Variants in SYNDIG1L observed in about 807,000 individuals in gnomAD.
The protein encoded by SYNDIG1L is synapse differentiation inducing 1 like, also known as synapse differentiation-inducing gene protein 1-like.
A neutral mutation model predicts 20.1 loss-of-function variants in SYNDIG1L; 13 were observed. The ratio of observed to expected loss-of-function variants is 0.65; its 90% CI spans 0.42 to 1.03. The LOEUF (loss-of-function observed/expected upper bound fraction) is 1.03. Among genes scored for constraint, SYNDIG1L ranks in the 50% least tolerant of loss-of-function variants. The pLI, the probability that SYNDIG1L is intolerant of heterozygous loss-of-function variation, is 0.00. For synonymous variants in SYNDIG1L, 128 were observed against 129.3 expected (o/e 0.99, Z 0.07); for missense variants, 294 against 305.1 (o/e 0.96, Z 0.27).
At chr14:74,443,318 T>C in the SYNDIG1L span, among the ~76,000 whole-genome samples, 1 of 152,110 alleles carries the variant, frequency 6.6e-6, no homozygotes, top group Non-Finnish European at 1.5e-5. Context: ...TGTGGAACAA[T>C]GATAAAAGGT....
rs757926224 is a variant in SYNDIG1L, at chr14:74,407,290, T to C, written c.*245A>G. Reference sequence around the variant, plus strand: ...GGATGGCCTGGTGGGCAGCCCTGCCTTCTGTTTCCCGTCTGTAGCCTGGGT... The same window carrying C: ...GGATGGCCTGGTGGGCAGCCCTGCCCTCTGTTTCCCGTCTGTAGCCTGGGT... On this transcript the variant is annotated 3_prime_UTR_variant, in exon 4 of 4. Transcript: ENST00000331628. The C allele has an allele frequency of 9.2e-5, 54 of 584,928 alleles. No homozygotes were observed. Among genetic ancestry groups the C allele is most frequent in the Non-Finnish European group, 1.3e-4 (42 of 332,918 alleles). 36.2% of individuals were successfully genotyped at this position (584,928 alleles called of 1,614,324 possible). A position where few individuals can be genotyped will look rare whatever the true frequency, so the allele number is the denominator to read the frequency against.
rs572273277 is a variant in SYNDIG1L, at chr14:74,414,220, GTGTT to G, written c.-57-4423_-57-4420del. Reference sequence around the variant, plus strand: ...CGGGTGAGTGTGCCCACACTCGTGTGTGTTTGTTTGTGTATGCATGCACGCACAC... The same window carrying G: ...CGGGTGAGTGTGCCCACACTCGTGTGTGTTTGTGTATGCATGCACGCACAC... On this transcript the variant is annotated intron_variant, in intron 1 of 3. Coordinates refer to ENST00000331628, the MANE Select transcript of SYNDIG1L (RefSeq NM_001105579.2). Among the ~76,000 whole-genome samples, 415 of 152,350 alleles carry G rather than the reference GTGTT, an allele frequency of 2.7e-3. 1 individual carries two copies. The highest frequency in any genetic ancestry group is 0.011 in the South Asian group (54 of 4,832).
chr14:74,479,323 G>C, the SYNDIG1L span: 2 of 152,200 alleles, frequency 1.3e-5, no homozygotes, highest in Admixed American at 1.3e-4. Flanking sequence ...TTGCTCACAA[G>C]CACTTTGTAT....
At chr14:74,476,706 C>T in the SYNDIG1L span, 4 of 732,640 alleles carry the variant, frequency 5.5e-6, no homozygotes, top group African/African-American at 5.3e-5. Flanking sequence ...CCTATGCAGG[C>T]CATCTCCTGG....
rs1460874404 is a variant in SYNDIG1L, at chr14:74,426,029, C to T, written c.-175G>A. On this transcript the variant is annotated 5_prime_UTR_variant, in exon 1 of 4. Coordinates refer to ENST00000331628, the MANE Select transcript of SYNDIG1L (RefSeq NM_001105579.2). ...TGGAACTCCCAGGAGGGCTCCCCTG[C>T]TCTCGTCCCCGCGTCCCTGAGCAGC... 2.6e-5 allele frequency: 4 copies of T among 152,568 alleles called. No individual in the cohort carries two copies. Among genetic ancestry groups the T allele is most frequent in the Non-Finnish European group, 1.5e-5 (1 of 67,876 alleles). The allele number at this position is 152,568 out of a possible 1,614,324, so 9.5% of individuals were successfully genotyped here.
the SYNDIG1L span, among the ~76,000 whole-genome samples, chr14:74,456,262 C>A: frequency 6.6e-6 from 1 of 152,170 alleles, no homozygotes; most frequent in African/African-American, 2.4e-5. Context: ...GGGCGCAGTG[C>A]CTCATGCCTG....
the SYNDIG1L span, among the ~76,000 whole-genome samples, chr14:74,466,603 C>G: frequency 1.3e-5 from 2 of 152,206 alleles, no homozygotes; most frequent in African/African-American, 2.4e-5. Flanking sequence ...CCCAGCCTCC[C>G]CCTTCATGAA....
At chr14:74,427,118 C>CTTTTTTTTT (rs34437070), upstream of SYNDIG1L, among the ~76,000 whole-genome samples, 3 of 116,808 alleles carry the variant, frequency 2.6e-5, no homozygotes, top group African/African-American at 1.0e-4. Context: ...CCTGCGTTTC[C>CTTTTTTTTT]TTTTTTTTTT....
chr14:74,442,508 T>C, the SYNDIG1L span, among the ~76,000 whole-genome samples: 2 of 152,172 alleles, frequency 1.3e-5, no homozygotes, highest in East Asian at 3.8e-4. Flanking sequence ...AGAAAACATG[T>C]CACAAAGTGA....
chr14:74,437,699 C>A, the SYNDIG1L span, among the ~76,000 whole-genome samples: 1 of 152,220 alleles, frequency 6.6e-6, no homozygotes, highest in Non-Finnish European at 1.5e-5. Flanking sequence ...AACTATCCCC[C>A]AGCTCCCACC....
At chr14:74,416,342 A>G (rs944296366) in intron 1 of SYNDIG1L, among the ~76,000 whole-genome samples, 5 of 152,340 alleles carry the variant, frequency 3.3e-5, no homozygotes, top group South Asian at 4.1e-4. Flanking sequence ...GATGACTTAA[A>G]AAAGACAAAG....
At chr14:74,417,105 CAT>C (rs2086182328) in intron 1 of SYNDIG1L, among the ~76,000 whole-genome samples, 1 of 152,212 alleles carries the variant, frequency 6.6e-6, no homozygotes, top group Admixed American at 6.5e-5. Context: ...TCCTCTTTAA[CAT>C]GTGGGGAAAC....
the SYNDIG1L span, among the ~76,000 whole-genome samples, chr14:74,457,675 AG>A: frequency 5.3e-5 from 8 of 151,908 alleles, no homozygotes; most frequent in Admixed American, 1.3e-4. Flanking sequence ...ATCCTATAGA[AG>A]GGGGGCAGCA....
intron 1 of SYNDIG1L, among the ~76,000 whole-genome samples, chr14:74,420,169 G>T (rs2086209851): frequency 1.3e-5 from 2 of 152,066 alleles, no homozygotes; most frequent in African/African-American, 2.4e-5. Context: ...GGTCGAGGCG[G>T]GTGGATGACT....
chr14:74,432,180 T>TGTGTGTGTGTGTGA, the SYNDIG1L span, among the ~76,000 whole-genome samples: 385 of 124,074 alleles, frequency 3.1e-3, 1 homozygote, highest in Middle Eastern at 7.6e-3. Flanking sequence ...TGTGTGTGTG[T>TGTGTGTGTGTGTGA]GAGAGAGAGA....
chr14:74,463,930 G>T, the SYNDIG1L span, among the ~76,000 whole-genome samples: 2 of 152,070 alleles, frequency 1.3e-5, no homozygotes, highest in Non-Finnish European at 2.9e-5. Context: ...CTGAACTAAG[G>T]GTAGGCTGAT....
the SYNDIG1L span, among the ~76,000 whole-genome samples, chr14:74,464,891 C>T: frequency 4.6e-5 from 7 of 152,216 alleles, no homozygotes; most frequent in South Asian, 1.5e-3. Flanking sequence ...TTATTCTTAC[C>T]CAGAATGCCC....
chr14:74,413,889 G>T (rs532025013), intron 1 of SYNDIG1L, among the ~76,000 whole-genome samples: 3 of 152,264 alleles, frequency 2.0e-5, no homozygotes, highest in African/African-American at 7.2e-5. Flanking sequence ...CAAGGGTCAT[G>T]GTTCTCTACA....
chr14:74,456,182 C>A, the SYNDIG1L span, among the ~76,000 whole-genome samples: 1 of 152,194 alleles, frequency 6.6e-6, no homozygotes, highest in African/African-American at 2.4e-5. Flanking sequence ...GTCTCATCCC[C>A]TCTCTGGGTG....
Sources: gnomAD v4.1 joint callset for allele counts (sites outside exome capture counted in the v4.1 genomes callset) on GRCh38, gnomAD v4.1.1 for gene constraint, MANE v1.5 for transcripts, NCBI Gene and HGNC (gene_info 2026-07-23, HGNC 2026-07-21) for gene names.